The following CSMD1 variants were observed in gnomAD, a reference collection of about 807,000 sequenced individuals.
The protein encoded by CSMD1 is CUB and Sushi multiple domains 1.
CSMD1 carries 213 observed loss-of-function variants against 417.5 expected under a neutral mutation model. The ratio of observed to expected loss-of-function variants is 0.51; its 90% CI spans 0.46 to 0.57. The LOEUF (loss-of-function observed/expected upper bound fraction) is 0.57, where lower values mean the gene tolerates loss of function less well. Among genes scored for constraint, CSMD1 ranks in the 20% least tolerant of loss-of-function variants. The probability of loss-of-function intolerance (pLI) is 0.00; values close to 1 mark genes in which losing one functional copy is unlikely to be tolerated. For synonymous variants in CSMD1, 2,862 were observed against 1,736.8 expected, an observed-to-expected ratio of 1.65 and a Z score of -16.11; for missense variants, 6,923 against 4,529.7, an observed-to-expected ratio of 1.53 and a Z score of -15.17.
chr8:4,422,407 A>T (rs1303176125), intron 2 of CSMD1, among the ~76,000 whole-genome samples: 2 of 152,144 alleles, frequency 1.3e-5, no homozygotes, highest in African/African-American at 4.8e-5. Context: ...AGAGGTAATT[A>T]TAGTTAAATG....
At chr8:3,714,291 T>A (rs1048319464) in intron 6 of CSMD1, among the ~76,000 whole-genome samples, 2 of 151,054 alleles carry the variant, frequency 1.3e-5, no homozygotes, top group East Asian at 3.9e-4. Flanking sequence ...ATCAATAGAT[T>A]TCTGTTAAAT....
chr8:3,327,665 G>T (rs1004306157), intron 23 of CSMD1, among the ~76,000 whole-genome samples: 2 of 152,134 alleles, frequency 1.3e-5, no homozygotes, highest in African/African-American at 4.8e-5. Context: ...CATTTTGGGG[G>T]AATAGAACCG....
chr8:3,813,591 A>C (rs1801206298), intron 5 of CSMD1, among the ~76,000 whole-genome samples: 1 of 152,206 alleles, frequency 6.6e-6, no homozygotes, highest in Admixed American at 6.5e-5. Context: ...ATTTTAAGAT[A>C]TTTTAAAAAG....
intron 1 of CSMD1, among the ~76,000 whole-genome samples, chr8:4,744,306 G>A (rs934250751): frequency 6.6e-6 from 1 of 152,054 alleles, no homozygotes; most frequent in Non-Finnish European, 1.5e-5. Flanking sequence ...CTTCCATTTT[G>A]CTTTCCTGAG....
At chr8:4,693,612 T>A (rs1806918969) in intron 1 of CSMD1, among the ~76,000 whole-genome samples, 1 of 152,214 alleles carries the variant, frequency 6.6e-6, no homozygotes, top group South Asian at 2.1e-4. Flanking sequence ...ACAACGGGAT[T>A]TTTCTCCTTC....
intron 5 of CSMD1, among the ~76,000 whole-genome samples, chr8:3,964,894 A>G (rs1323207656): frequency 1.3e-5 from 2 of 152,182 alleles, no homozygotes; most frequent in African/African-American, 2.4e-5. Flanking sequence ...CCTACTTTTA[A>G]AAAGTTCAAT....
rs190586577 is a variant in CSMD1, at chr8:3,421,893, C to T, written c.1562-12288G>A. Reference sequence around the variant, plus strand: ...CTTCAGGCGATCCACCCACCTTGGCCGCCCAAAGTGCTGGGATTACAGGCG... The same window carrying T: ...CTTCAGGCGATCCACCCACCTTGGCTGCCCAAAGTGCTGGGATTACAGGCG... On this transcript the variant is annotated intron_variant, in intron 12 of 69. Coordinates refer to ENST00000635120, the MANE Select transcript of CSMD1 (RefSeq NM_033225.6). Among the ~76,000 whole-genome samples, 39 of 149,000 alleles carry T rather than the reference C, an allele frequency of 2.6e-4. No homozygotes were observed. The East Asian group carries it at 4.1e-3, about 15-fold the overall frequency.
At chr8:3,276,722 C>G (rs530444081) in intron 26 of CSMD1, among the ~76,000 whole-genome samples, 1 of 152,162 alleles carries the variant, frequency 6.6e-6, no homozygotes, top group East Asian at 1.9e-4. Context: ...AAGCTCAGCT[C>G]AATTACAAAG....
intron 12 of CSMD1, among the ~76,000 whole-genome samples, chr8:3,414,865 T>C (rs1813030044): frequency 6.6e-6 from 1 of 152,164 alleles, no homozygotes; most frequent in Admixed American, 6.6e-5. Context: ...ATATTCTAAT[T>C]CAGTCTGCGC....
At chr8:3,058,559 C>T (rs1045771999) in intron 49 of CSMD1, among the ~76,000 whole-genome samples, 12 of 152,114 alleles carry the variant, frequency 7.9e-5, no homozygotes, top group Admixed American at 7.2e-4. Context: ...ACACAGTTGT[C>T]GATTTACCAT....
chr8:2,990,715 G>T (rs1435323083), intron 54 of CSMD1, among the ~76,000 whole-genome samples: 1 of 152,166 alleles, frequency 6.6e-6, no homozygotes, highest in Non-Finnish European at 1.5e-5. Context: ...TAACTTTGAG[G>T]ATTTTGTTAT....
At chr8:4,684,461 G>C (rs181388055) in intron 1 of CSMD1, among the ~76,000 whole-genome samples, 15 of 152,174 alleles carry the variant, frequency 9.9e-5, no homozygotes, top group Non-Finnish European at 1.9e-4. Flanking sequence ...GGTTTGTTTT[G>C]AGACGGGGTC....
chr8:3,433,327 C>T (rs12542120), intron 12 of CSMD1, among the ~76,000 whole-genome samples: 48,159 of 152,114 alleles, frequency 0.32, 7,991 homozygotes, highest in East Asian at 0.57. Context: ...GGGACTTCCA[C>T]TGCCTGACTG....
chr8:3,100,252 C>A lies in CSMD1; in HGVS notation c.6950-3215G>T, dbSNP rs148790479. Among the ~76,000 whole-genome samples the A allele has an allele frequency of 5.3e-3, 810 of 152,196 alleles. 13 individuals carry two copies. The highest frequency in any genetic ancestry group is 4.3e-3 in the Non-Finnish European group (294 of 67,990). On this transcript the variant is annotated intron_variant, in intron 46 of 69. Coordinates refer to ENST00000635120, the MANE Select transcript of CSMD1 (RefSeq NM_033225.6). The stretch of plus-strand genomic sequence containing the variant: ...TTTTTATTTTAGAAATGTTGTTTTG[C>A]CATTTTGCCCAGGCTGGTCTCCAAC...
intron 5 of CSMD1, among the ~76,000 whole-genome samples, chr8:3,966,020 A>G (rs1396556477): frequency 6.6e-6 from 1 of 152,234 alleles, no homozygotes; most frequent in Admixed American, 6.5e-5. Flanking sequence ...CAATTTTAGA[A>G]AGAAGCAGAA....
intron 2 of CSMD1, among the ~76,000 whole-genome samples, chr8:4,466,291 A>AGAG (rs900222143): frequency 3.9e-5 from 6 of 152,120 alleles, no homozygotes; most frequent in South Asian, 2.1e-4. Flanking sequence ...GGAAGAAAAC[A>AGAG]GAGGAGGAGG....
At chr8:3,888,015 T>C (rs936857478) in intron 5 of CSMD1, among the ~76,000 whole-genome samples, 1 of 152,316 alleles carries the variant, frequency 6.6e-6, no homozygotes, top group Non-Finnish European at 1.5e-5. Flanking sequence ...GTCCAACTTC[T>C]GGCAGAGAAA....
chr8:3,764,343 C>G (rs997851769), intron 5 of CSMD1, among the ~76,000 whole-genome samples: 1 of 152,134 alleles, frequency 6.6e-6, no homozygotes, highest in East Asian at 1.9e-4. Flanking sequence ...GCTCCCTGCC[C>G]CTCTCTGCTC....
At chr8:3,681,672 A>G (rs1249449430) in intron 7 of CSMD1, among the ~76,000 whole-genome samples, 3 of 152,226 alleles carry the variant, frequency 2.0e-5, no homozygotes, top group Admixed American at 6.5e-5. Flanking sequence ...CTTTCTTCAC[A>G]GAATTGGAAA....
Sources: allele counts gnomAD v4.1 joint callset (sites outside exome capture counted in the v4.1 genomes callset), GRCh38; gene constraint gnomAD v4.1.1; transcripts MANE v1.5; gene names NCBI Gene and HGNC (gene_info 2026-07-23, HGNC 2026-07-21).